The following SPAG16 variants were observed in gnomAD, a reference collection of about 807,000 sequenced individuals.
SPAG16 encodes sperm associated antigen 16.
A neutral mutation model predicts 80.4 loss-of-function variants in SPAG16; 86 were observed. That is an observed-to-expected ratio of 1.07 (90% CI 0.90 to 1.28). SPAG16 has a LOEUF of 1.28. SPAG16 is among the 50% of genes most tolerant of loss of function. The pLI, the probability that SPAG16 is intolerant of heterozygous loss-of-function variation, is 0.00. For synonymous variants in SPAG16, 294 were observed against 265.9 expected (o/e 1.11, Z -1.03); for missense variants, 870 against 765.3 (o/e 1.14, Z -1.61).
intron 12 of SPAG16, among the ~76,000 whole-genome samples, chr2:213,958,454 GC>G (rs1261768332): frequency 6.6e-6 from 1 of 152,046 alleles, no homozygotes. Flanking sequence ...GTGTGACTAA[GC>G]CCCGCTTCTG....
At chr2:213,505,228 A>G (rs1319560925) in intron 10 of SPAG16, among the ~76,000 whole-genome samples, 2 of 152,184 alleles carry the variant, frequency 1.3e-5, no homozygotes. Flanking sequence ...AGAAATGGAT[A>G]GGGGGTATCA....
rs56781283 is a variant in SPAG16, at chr2:214,108,480, C to CACACACACACA, written c.1593+219_1593+220insACACACACACA. On this transcript the variant is annotated intron_variant, in intron 14 of 15. Coordinates refer to ENST00000331683, the MANE Select transcript of SPAG16 (RefSeq NM_024532.5). ...ACACACACACACACACACACACACA[C>CACACACACACA]CCCCACACACACCCCAAGTCGTAGC... Among the ~76,000 whole-genome samples the CACACACACACA allele has an allele frequency of 6.6e-3, 349 of 52,520 alleles. 2 individuals carry two copies. Among genetic ancestry groups the CACACACACACA allele is most frequent in the African/African-American group, 0.015 (318 of 21,424 alleles). 34.5% of individuals were successfully genotyped at this position (52,520 alleles called of 152,430 possible).
chr2:213,705,285 A>G (rs969328272), intron 10 of SPAG16, among the ~76,000 whole-genome samples: 1 of 148,636 alleles, frequency 6.7e-6, no homozygotes, highest in Non-Finnish European at 1.5e-5. Flanking sequence ...GGAGGGAGGA[A>G]GGGAGGGAGG....
chr2:213,967,036 G>A (rs538291423), intron 12 of SPAG16, among the ~76,000 whole-genome samples: 4 of 152,276 alleles, frequency 2.6e-5, no homozygotes, highest in African/African-American at 9.6e-5. Context: ...TTCTCAGACT[G>A]TATCAACTTT....
chr2:214,058,496 A>G (rs113125266), intron 13 of SPAG16, among the ~76,000 whole-genome samples: 7 of 152,178 alleles, frequency 4.6e-5, no homozygotes, highest in Non-Finnish European at 7.3e-5. Flanking sequence ...GTCACTAATC[A>G]TAGACCATCA....
At chr2:213,728,171 C>T (rs2066860071) in intron 10 of SPAG16, among the ~76,000 whole-genome samples, 1 of 152,130 alleles carries the variant, frequency 6.6e-6, no homozygotes, top group Admixed American at 6.5e-5. Context: ...TTAAATCTCA[C>T]TGGCTTAATG....
chr2:214,078,223 A>G (rs1478065570), intron 13 of SPAG16, among the ~76,000 whole-genome samples: 1 of 152,102 alleles, frequency 6.6e-6, no homozygotes, highest in Non-Finnish European at 1.5e-5. Context: ...GAGAGACCCC[A>G]AAAATATCTG....
At chr2:214,361,630 C>G (rs1460451927) in intron 15 of SPAG16, among the ~76,000 whole-genome samples, 1 of 151,830 alleles carries the variant, frequency 6.6e-6, no homozygotes, top group Non-Finnish European at 1.5e-5. Flanking sequence ...GGACTTACAA[C>G]TTTTGTGTTG....
At chr2:213,988,455 T>C (rs569450330) in intron 12 of SPAG16, among the ~76,000 whole-genome samples, 2 of 152,168 alleles carry the variant, frequency 1.3e-5, no homozygotes, top group African/African-American at 4.8e-5. Flanking sequence ...CTGGAAAGTC[T>C]CCAGGTGCTT....
At chr2:213,370,471 G>T (rs1210937785) in intron 8 of SPAG16, among the ~76,000 whole-genome samples, 2 of 152,036 alleles carry the variant, frequency 1.3e-5, no homozygotes, top group Non-Finnish European at 2.9e-5. Context: ...TTCATATTAA[G>T]ATAAGAAGAA....
intron 14 of SPAG16, among the ~76,000 whole-genome samples, chr2:214,145,217 A>G (rs1417852632): frequency 2.0e-5 from 3 of 152,034 alleles, no homozygotes. Context: ...CTGTGCAGAG[A>G]GATAGTAGTT....
intron 9 of SPAG16, among the ~76,000 whole-genome samples, chr2:213,404,744 G>A (rs1412114460): frequency 6.6e-6 from 1 of 152,078 alleles, no homozygotes; most frequent in African/African-American, 2.4e-5. Flanking sequence ...TAATTGTCCA[G>A]TTCTCTTTCT....
chr2:213,995,454 T>C (rs2046471676), intron 12 of SPAG16, among the ~76,000 whole-genome samples: 1 of 152,352 alleles, frequency 6.6e-6, no homozygotes, highest in African/African-American at 2.4e-5. Flanking sequence ...CTTTTAAATA[T>C]GTGATGAATA....
At chr2:213,436,906 A>C (rs79234054) in intron 9 of SPAG16, among the ~76,000 whole-genome samples, 11,220 of 151,838 alleles carry the variant, frequency 0.074, 1,355 homozygotes, top group African/African-American at 0.25. Context: ...CGCAAAAATG[A>C]TAAACTCTTT....
intron 13 of SPAG16, among the ~76,000 whole-genome samples, chr2:214,080,014 C>T (rs2051288258): frequency 6.6e-6 from 1 of 152,166 alleles, no homozygotes; most frequent in South Asian, 2.1e-4. Context: ...GGACAATTTA[C>T]TTAACCTCTG....
chr2:213,478,243 G>T (rs1356111959), intron 9 of SPAG16, among the ~76,000 whole-genome samples: 1 of 152,038 alleles, frequency 6.6e-6, no homozygotes, highest in Non-Finnish European at 1.5e-5. Flanking sequence ...ACTAATACAG[G>T]GTTGTATATC....
At chr2:213,842,520 T>A (rs1009410786) in intron 10 of SPAG16, among the ~76,000 whole-genome samples, 15 of 152,128 alleles carry the variant, frequency 9.9e-5, no homozygotes, top group African/African-American at 2.7e-4. Context: ...TGAATTTTTT[T>A]AAAAAAATAG....
intron 9 of SPAG16, among the ~76,000 whole-genome samples, chr2:213,459,068 C>T (rs1229588470): frequency 6.6e-6 from 1 of 152,028 alleles, no homozygotes; most frequent in Admixed American, 6.6e-5. Context: ...AGAATTTCTC[C>T]CCTTTTTTTA....
chr2:213,602,867 T>C (rs1280292229), intron 10 of SPAG16, among the ~76,000 whole-genome samples: 1 of 152,268 alleles, frequency 6.6e-6, no homozygotes, highest in Non-Finnish European at 1.5e-5. Context: ...TGATTAAGAA[T>C]GTATTCTCTG....
Sources: gnomAD v4.1 joint callset for allele counts (sites outside exome capture counted in the v4.1 genomes callset) on GRCh38, gnomAD v4.1.1 for gene constraint, MANE v1.5 for transcripts, NCBI Gene and HGNC (gene_info 2026-07-23, HGNC 2026-07-21) for gene names.